The following KIF24 variants were observed in gnomAD, a reference collection of about 807,000 sequenced individuals.
KIF24 encodes kinesin family member 24, also known as kinesin-like protein KIF24.
In KIF24, 81 loss-of-function variants were observed where a neutral mutation model predicts 118.9. That is an observed-to-expected ratio of 0.68 (90% confidence interval 0.57 to 0.82). The LOEUF (loss-of-function observed/expected upper bound fraction) is 0.82. Ranked by LOEUF, KIF24 falls within the 40% of genes least tolerant of loss-of-function variation. The probability of loss-of-function intolerance (pLI) is 0.00; values close to 1 mark genes in which losing one functional copy is unlikely to be tolerated. For synonymous variants in KIF24, 599 were observed against 610.0 expected, an observed-to-expected ratio of 0.98 and a Z score of 0.27; for missense variants, 1,560 against 1,661.6, an observed-to-expected ratio of 0.94 and a Z score of 1.06.
chr9:34,290,469 C>A, intron 4 of KIF24, 80 bp from the exon 5 acceptor site: 2 of 812,432 alleles, frequency 2.5e-6, no homozygotes, highest in South Asian at 1.8e-5. Context: ...TGACAAAGGT[C>A]AAATGTAAAC....
chr9:34,265,803 CAAAT>C lies in KIF24; in HGVS notation c.1444-2635_1444-2632del, dbSNP rs1047968435. ...TTTCTAGCATAACAGAAAAAAGAGA[CAAAT>C]AAACATTTAAATAAATTAAATAAAA... On this transcript the variant is annotated intron_variant, in intron 8 of 12. Coordinates refer to ENST00000402558, the MANE Select transcript of KIF24 (RefSeq NM_194313.4). 2.4e-4 allele frequency among the ~76,000 whole-genome samples: 36 copies of C among 151,840 alleles called. 1 individual carries two copies. The highest frequency in any genetic ancestry group is 1.0e-3 in the Admixed American group (16 of 15,262).
At chr9:34,261,721 TA>T (rs1273407482) in intron 9 of KIF24, among the ~76,000 whole-genome samples, 2 of 152,326 alleles carry the variant, frequency 1.3e-5, no homozygotes, top group East Asian at 3.9e-4. Flanking sequence ...ATCACATTAT[TA>T]CCTTGTTCTA....
In KIF24 at chr9:34,311,210, T is replaced by C; in HGVS notation, c.137A>G (p.His46Arg). The C allele has an allele frequency of 1.2e-6, 2 of 1,612,742 alleles. No homozygotes were observed. Among genetic ancestry groups the C allele is most frequent in the Non-Finnish European group, 1.7e-6 (2 of 1,178,986 alleles). Reference protein sequence around the residue: ...TMKDYSKLGVHDMNDRKRLFQ... With the variant: ...TMKDYSKLGVRDMNDRKRLFQ... Reference sequence around the variant, plus strand: ...GAGACGTTTGCGGTCGTTCATGTCATGGACTCCTAATTTGGAGTAGTCCTT... The same window carrying C: ...GAGACGTTTGCGGTCGTTCATGTCACGGACTCCTAATTTGGAGTAGTCCTT... Residue 46 changes from histidine (H) to arginine (R), a missense_variant, in exon 2 of 13, where the codon CAT (histidine) becomes CGT (arginine). Coordinates refer to ENST00000402558, the MANE Select transcript of KIF24 (RefSeq NM_194313.4).
intron 3 of KIF24, among the ~76,000 whole-genome samples, chr9:34,303,265 C>T (rs954914955): frequency 2.0e-5 from 3 of 151,884 alleles, no homozygotes; most frequent in East Asian, 3.9e-4. Flanking sequence ...GGCCAGACCA[C>T]GTAGAGTCTT....
intron 5 of KIF24, among the ~76,000 whole-genome samples, chr9:34,288,602 A>T (rs983888922): frequency 6.6e-6 from 1 of 151,912 alleles, no homozygotes; most frequent in African/African-American, 2.4e-5. Flanking sequence ...AATAGATTAG[A>T]TTAGACAATT....
chr9:34,314,547 C>T (rs1417352535), intron 1 of KIF24, among the ~76,000 whole-genome samples: 2 of 152,098 alleles, frequency 1.3e-5, no homozygotes, highest in Admixed American at 6.6e-5. Flanking sequence ...AGAAATAACT[C>T]CCAGGTTTTA....
Position 34,310,778 on chromosome 9 carries a change from T to C in KIF24, c.569A>G (p.Gln190Arg). The C allele has an allele frequency of 6.2e-7, 1 of 1,610,766 alleles. No individual in the cohort carries two copies. The highest frequency in any genetic ancestry group is 8.5e-7 in the Non-Finnish European group (1 of 1,177,292). ...ILGDCDIPII[Q>R]RISHVSGYNY... ...ATACCCTGAAACATGAGAGATTCTTTGAATAATGGGAATATCACAATCCCC... is the reference window on the plus strand; with the variant it reads ...ATACCCTGAAACATGAGAGATTCTTCGAATAATGGGAATATCACAATCCCC... The change falls in exon 2 of 13, where the codon CAA (glutamine) becomes CGA (arginine). Residue 190 changes from glutamine (Q) to arginine (R), a missense_variant. Transcript: ENST00000402558.
Position 34,254,538 on chromosome 9 carries a change from G to C in KIF24, c.3967-18C>G. ...TCAAAATCCTGAGAAGGAAACAAGG[G>C]ACGAATACAGCTTTTGCTCTTGCTG... On this transcript the variant is annotated intron_variant, in intron 12 of 12. Coordinates refer to ENST00000402558, the MANE Select transcript of KIF24 (RefSeq NM_194313.4). 1 of 1,611,216 alleles carries C rather than the reference G, an allele frequency of 6.2e-7. No individual in the cohort carries two copies. Among genetic ancestry groups the C allele is most frequent in the Non-Finnish European group, 8.5e-7 (1 of 1,178,754 alleles).
At chr9:34,292,486 G>C (rs1266306052) in intron 4 of KIF24, among the ~76,000 whole-genome samples, 1 of 152,012 alleles carries the variant, frequency 6.6e-6, no homozygotes, top group Non-Finnish European at 1.5e-5. Context: ...TCTTAACTTT[G>C]GCAAATAAAT....
chr9:34,281,457 G>C (rs188052805), intron 6 of KIF24, among the ~76,000 whole-genome samples: 15 of 152,276 alleles, frequency 9.9e-5, no homozygotes, highest in Non-Finnish European at 2.1e-4. Flanking sequence ...ATGTGATTCT[G>C]GGTTATCACT....
chr9:34,324,263 C>T (rs1837607013), intron 1 of KIF24, among the ~76,000 whole-genome samples: 1 of 152,196 alleles, frequency 6.6e-6, no homozygotes. Flanking sequence ...CTGAACTTGT[C>T]AATAACAGAA....
chr9:34,319,360 T>C, intron 1 of KIF24: 1 of 867,542 alleles, frequency 1.2e-6, no homozygotes. Context: ...CAGAAACTCC[T>C]GGCTAGGCTT....
chr9:34,329,229 C>A lies in KIF24; in HGVS notation c.-149G>T, dbSNP rs1192866233. ...CCGGGAGCCACCGGCGGCGGCCAGG[C>A]CGCATCTCCATGGCAACGCCGCCAA... On this transcript the variant is annotated 5_prime_UTR_variant, in exon 1 of 13. Transcript: ENST00000402558. Among the ~76,000 whole-genome samples the A allele has an allele frequency of 1.3e-5, 2 of 152,254 alleles. No individual in the cohort carries two copies. The highest frequency in any genetic ancestry group is 4.8e-5 in the African/African-American group (2 of 41,470).
chr9:34,256,429 G>A lies in KIF24; in HGVS notation c.3178C>T (p.Pro1060Ser). The change falls in exon 11 of 13, where the codon CCA (proline) becomes TCA (serine). Residue 1060 changes from proline (P) to serine (S), a missense_variant. Physicochemically the swap from Pro to Ser is moderately conservative, Grantham distance 74. Around this residue, in one of 3 missense-constraint regions of KIF24, gnomAD observed 591 missense variants for 655.6 expected, o/e 0.90. Coordinates refer to ENST00000402558, the MANE Select transcript of KIF24 (RefSeq NM_194313.4). ...GAGGGAGGAGACCCTTCGTTGTCTG[G>A]GTTCTCCAGGAGGGACATGGTGAGG... Reference protein sequence around the residue: ...SPLTMSLLENPDNEGSPPSEQ... With the variant: ...SPLTMSLLENSDNEGSPPSEQ... 6.2e-7 allele frequency: 1 copy of A among 1,613,888 alleles called. No individual in the cohort carries two copies. Among genetic ancestry groups the A allele is most frequent in the Non-Finnish European group, 8.5e-7 (1 of 1,179,868 alleles).
chr9:34,294,662 T>C (rs889346421), intron 4 of KIF24, among the ~76,000 whole-genome samples: 3 of 152,206 alleles, frequency 2.0e-5, no homozygotes, highest in Non-Finnish European at 4.4e-5. Flanking sequence ...TAGAAGGGAA[T>C]ATTACTCAGC....
chr9:34,319,741 T>C, intron 1 of KIF24: 1 of 641,642 alleles, frequency 1.6e-6, no homozygotes, highest in Non-Finnish European at 2.9e-6. Flanking sequence ...GGAGGTGAGG[T>C]ACCAGCTTGG....
rs776872791 is a variant in KIF24, at chr9:34,306,311, C to T, written c.754G>A (p.Glu252Lys). The T allele has an allele frequency of 6.2e-7, 1 of 1,610,570 alleles. No individual in the cohort carries two copies. Among genetic ancestry groups the T allele is most frequent in the Non-Finnish European group, 8.5e-7 (1 of 1,177,096 alleles). Residue 252 changes from glutamate to lysine, a missense_variant, in exon 3 of 13, where the codon GAA (glutamate) becomes AAA (lysine). Transcript: ENST00000402558. Reference protein sequence around the residue: ...EINIITVEDKETLLVHEKKEA... With the variant: ...EINIITVEDKKTLLVHEKKEA... ...TTCTTCTCATGCACAAGTAGAGTTTCTTTGTCTTCTACAGTAATAATATTA... is the reference window on the plus strand; with the variant it reads ...TTCTTCTCATGCACAAGTAGAGTTTTTTTGTCTTCTACAGTAATAATATTA...
chr9:34,268,509 C>A (rs192804161), intron 8 of KIF24, among the ~76,000 whole-genome samples: 4 of 123,574 alleles, frequency 3.2e-5, no homozygotes, highest in Non-Finnish European at 6.8e-5. Flanking sequence ...GATTTTCTTT[C>A]TTTTTTTTTT....
In KIF24 at chr9:34,318,415, C is replaced by A; in HGVS notation, c.-25-7044G>T. 1 of 702,026 alleles carries A rather than the reference C, an allele frequency of 1.4e-6. No homozygotes were observed. The highest frequency in any genetic ancestry group is 2.6e-6 in the Non-Finnish European group (1 of 384,538). The allele number at this position is 702,026 out of a possible 1,614,324, so 43.5% of individuals were successfully genotyped here. On this transcript the variant is annotated intron_variant, in intron 1 of 12. Coordinates refer to ENST00000402558, the MANE Select transcript of KIF24 (RefSeq NM_194313.4). This position sits in a 1 kb window ranked among gnomAD's most constrained non-coding sequence, Gnocchi z 4.9. ...ACCACCTCCCAGCCACGCGCTCCCTCCTGCTCCTCAGCGCCTTCTGCCTCC... is the reference window on the plus strand; with the variant it reads ...ACCACCTCCCAGCCACGCGCTCCCTACTGCTCCTCAGCGCCTTCTGCCTCC...
Sources: gnomAD v4.1 joint callset for allele counts (sites outside exome capture counted in the v4.1 genomes callset) on GRCh38, gnomAD v4.1.1 for gene constraint, gnomAD v4.1.1 regional missense constraint, Gnocchi (gnomAD v3.1) non-coding constraint, MANE v1.5 for transcripts, NCBI Gene and HGNC (gene_info 2026-07-23, HGNC 2026-07-21) for gene names.